The following ADCY8 variants were observed in gnomAD, a reference collection of about 807,000 sequenced individuals.
ADCY8 encodes the protein adenylate cyclase 8, also known as adenylate cyclase type 8.
In ADCY8, 51 loss-of-function variants were observed where a neutral mutation model predicts 119.7. The ratio of observed to expected loss-of-function variants is 0.43; its 90% confidence interval spans 0.34 to 0.54. The LOEUF (loss-of-function observed/expected upper bound fraction) is 0.54, where lower values mean the gene tolerates loss of function less well. Among genes scored for constraint, ADCY8 ranks in the 20% least tolerant of loss-of-function variants. The pLI, the probability that ADCY8 is intolerant of heterozygous loss-of-function variation, is 0.03. For synonymous variants in ADCY8, 665 were observed against 651.0 expected (o/e 1.02, Z -0.33); for missense variants, 1,383 against 1,598.8 (o/e 0.87, Z 2.30).
At chr8:130,964,893 G>A (rs1821716672) in intron 2 of ADCY8, among the ~76,000 whole-genome samples, 1 of 152,126 alleles carries the variant, frequency 6.6e-6, no homozygotes, top group Non-Finnish European at 1.5e-5. Context: ...GTGTCTCATT[G>A]TGGTTTTGTA....
chr8:130,841,826 TTTACAC>T (rs1817152155), intron 11 of ADCY8, among the ~76,000 whole-genome samples: 2 of 152,318 alleles, frequency 1.3e-5, no homozygotes, highest in South Asian at 4.1e-4. Flanking sequence ...GACTTATTGC[TTTACAC>T]AAAATCTGAT....
chr8:130,909,126 A>C (rs979792058), intron 6 of ADCY8, among the ~76,000 whole-genome samples: 5 of 152,170 alleles, frequency 3.3e-5, no homozygotes, highest in Non-Finnish European at 5.9e-5. Flanking sequence ...AGATCTTATT[A>C]GGTCCAATCT....
chr8:130,841,519 A>T (rs530479946), intron 11 of ADCY8, among the ~76,000 whole-genome samples: 30 of 152,356 alleles, frequency 2.0e-4, no homozygotes, highest in African/African-American at 6.7e-4. Flanking sequence ...TTGTTGACTG[A>T]GAACCCACTA....
chr8:131,038,935 G>A (rs1470332191), intron 1 of ADCY8, among the ~76,000 whole-genome samples: 4 of 152,126 alleles, frequency 2.6e-5, no homozygotes, highest in African/African-American at 2.4e-5. Flanking sequence ...TTAGAGATAC[G>A]GAAAAACCCA....
chr8:130,829,415 T>C (rs1509843), intron 12 of ADCY8, among the ~76,000 whole-genome samples: 35,473 of 151,866 alleles, frequency 0.23, 4,272 homozygotes, highest in Admixed American at 0.3. Context: ...CTGTAAACTT[T>C]TTATTGGGTT....
chr8:130,948,985 C>G (rs923938675), intron 3 of ADCY8, among the ~76,000 whole-genome samples: 2 of 152,182 alleles, frequency 1.3e-5, no homozygotes, highest in Non-Finnish European at 2.9e-5. Flanking sequence ...AGCCCGGGAG[C>G]AACAGGGCCG....
intron 15 of ADCY8, among the ~76,000 whole-genome samples, 155 bp downstream of exon 15, chr8:130,800,271 A>C (rs1183366520): frequency 6.6e-6 from 1 of 152,138 alleles, no homozygotes; most frequent in Non-Finnish European, 1.5e-5. Flanking sequence ...GATAATTGTG[A>C]TAATTAAATC....
intron 2 of ADCY8, among the ~76,000 whole-genome samples, chr8:130,973,541 C>T (rs924110374): frequency 3.9e-5 from 6 of 152,252 alleles, no homozygotes; most frequent in African/African-American, 1.4e-4. Flanking sequence ...TACCATCCAG[C>T]AGCCAGAGTC....
chr8:130,830,916 GT>G (rs1816814887), intron 12 of ADCY8, among the ~76,000 whole-genome samples: 1 of 152,196 alleles, frequency 6.6e-6, no homozygotes, highest in African/African-American at 2.4e-5. Context: ...TTTTGCCTAT[GT>G]TTTAAGAAGT....
chr8:131,002,303 C>T (rs1253839495), intron 1 of ADCY8, among the ~76,000 whole-genome samples: 3 of 152,080 alleles, frequency 2.0e-5, no homozygotes, highest in Non-Finnish European at 4.4e-5. Context: ...CTACAGTGAC[C>T]CACTGAAGGG....
At chr8:130,900,855 G>T (rs1395486285) in intron 7 of ADCY8, among the ~76,000 whole-genome samples, 2 of 152,140 alleles carry the variant, frequency 1.3e-5, no homozygotes, top group Non-Finnish European at 2.9e-5. Context: ...GTTCTTTTAT[G>T]CCTGAGTTTC....
intron 1 of ADCY8, among the ~76,000 whole-genome samples, chr8:131,028,940 C>T (rs541416632): frequency 3.8e-4 from 58 of 152,300 alleles, no homozygotes; most frequent in Non-Finnish European, 7.1e-4. Flanking sequence ...ACCACTGAGA[C>T]GTCAAGCCCA....
chr8:130,838,217 G>A (rs956602229), intron 11 of ADCY8, among the ~76,000 whole-genome samples: 6 of 152,164 alleles, frequency 3.9e-5, no homozygotes, highest in Admixed American at 1.3e-4. Flanking sequence ...AGAGGGCAAA[G>A]GCCCCATGCC....
intron 2 of ADCY8, among the ~76,000 whole-genome samples, chr8:130,975,344 C>T (rs1413794997): frequency 6.6e-6 from 1 of 152,194 alleles, no homozygotes; most frequent in Non-Finnish European, 1.5e-5. Context: ...CAATTCAATT[C>T]CCTTCAATAA....
chr8:130,931,412 T>C (rs898439781), intron 5 of ADCY8, among the ~76,000 whole-genome samples: 5 of 152,188 alleles, frequency 3.3e-5, no homozygotes. Flanking sequence ...ATTATGTTTC[T>C]TTGGCTATTC....
Position 130,816,427 on chromosome 8 carries a change from C to CTTTTT in ADCY8, c.2755-2205_2755-2201dup, listed in dbSNP as rs59803292. Among the ~76,000 whole-genome samples, 51 of 121,166 alleles carry CTTTTT rather than the reference C, an allele frequency of 4.2e-4. 1 individual carries two copies. Among genetic ancestry groups the CTTTTT allele is most frequent in the South Asian group, 7.8e-4 (3 of 3,840 alleles). 79.5% of individuals were successfully genotyped at this position (121,166 alleles called of 152,430 possible). A position where few individuals can be genotyped will look rare whatever the true frequency, so the allele number is the denominator to read the frequency against. ...CATATTTCTTAATTAATTTTTTTTTCTTTTTTTTTTTTTTTTGAGACAGAG... is the reference window on the plus strand; with the variant it reads ...CATATTTCTTAATTAATTTTTTTTTCTTTTTTTTTTTTTTTTTTTTTGAGACAGAG... On this transcript the variant is annotated intron_variant, in intron 13 of 17. Transcript: ENST00000286355.
intron 2 of ADCY8, among the ~76,000 whole-genome samples, chr8:130,953,483 T>G (rs1821335609): frequency 6.6e-6 from 1 of 152,146 alleles, no homozygotes; most frequent in Admixed American, 6.5e-5. Context: ...TTGCACAACC[T>G]GAACAGTTAA....
At chr8:130,836,245 C>T (rs759116396) in intron 12 of ADCY8, 32 bp downstream of exon 12, 6 of 1,569,726 alleles carry the variant, frequency 3.8e-6, no homozygotes, top group South Asian at 2.3e-5. Flanking sequence ...GGAAGTTGAG[C>T]ACACTTTGGA....
At chr8:130,968,633 A>G (rs1246825502) in intron 2 of ADCY8, among the ~76,000 whole-genome samples, 1 of 152,232 alleles carries the variant, frequency 6.6e-6, no homozygotes, top group African/African-American at 2.4e-5. Context: ...TCTCATGTAG[A>G]ATAACCCACG....
Sources: allele counts gnomAD v4.1 joint callset (sites outside exome capture counted in the v4.1 genomes callset), GRCh38; gene constraint gnomAD v4.1.1; transcripts MANE v1.5; gene names NCBI Gene and HGNC (gene_info 2026-07-23, HGNC 2026-07-21).